Variants in MMP17 observed in about 807,000 individuals in gnomAD.
MMP17 encodes matrix metalloproteinase-17.
MMP17 carries 54 observed loss-of-function variants against 49.1 expected under a neutral mutation model. That is an observed-to-expected ratio of 1.10 (90% CI 0.88 to 1.38). The LOEUF (loss-of-function observed/expected upper bound fraction) is 1.38. Ranked by LOEUF, MMP17 falls within the 40% of genes most tolerant of loss-of-function variation. The pLI is 0.00. For synonymous variants in MMP17, 397 were observed against 383.1 expected (o/e 1.04, Z -0.42); for missense variants, 837 against 853.7 (o/e 0.98, Z 0.24).
At chr12:131,841,183 G>T (rs1887388093) in intron 4 of MMP17, among the ~76,000 whole-genome samples, 2 of 152,226 alleles carry the variant, frequency 1.3e-5, no homozygotes, top group South Asian at 4.1e-4. Context: ...CCCGTTGTCT[G>T]CAGAAGTCTC....
intron 1 of MMP17, among the ~76,000 whole-genome samples, chr12:131,836,100 C>A (rs946229603): frequency 5.3e-5 from 8 of 152,200 alleles, no homozygotes; most frequent in African/African-American, 1.7e-4. Context: ...GTGCCTATAG[C>A]TTTGGAGGGG....
chr12:131,849,356 C>T (rs372496816), intron 8 of MMP17, among the ~76,000 whole-genome samples: 15 of 152,214 alleles, frequency 9.9e-5, no homozygotes, highest in East Asian at 9.7e-4. Flanking sequence ...TGGTGGTGGG[C>T]GCCTGTAATC....
At chr12:131,832,813 C>G (rs574427193) in intron 1 of MMP17, among the ~76,000 whole-genome samples, 1 of 152,180 alleles carries the variant, frequency 6.6e-6, no homozygotes, top group African/African-American at 2.4e-5. Flanking sequence ...TTCTCCACCC[C>G]GCCCCCTGAC....
Position 131,840,607 on chromosome 12 carries a change from C to G in MMP17, c.457C>G (p.His153Asp). The change falls in exon 4 of 10, where the codon CAC (histidine) becomes GAC (aspartate). Residue 153 changes from histidine to aspartate, a missense_variant. Physicochemically the swap from His to Asp is moderately conservative, Grantham distance 81 (BLOSUM62 -1). Coordinates refer to ENST00000360564, the MANE Select transcript of MMP17 (RefSeq NM_016155.7). Reference protein sequence around the residue: ...RTFPRDSPLGHDTVRALMYYA... With the variant: ...RTFPRDSPLGDDTVRALMYYA... ...GTTCCCACGGGACTCACCACTGGGG[C>G]ACGACACGGTGCGTGCACTCATGTA... is the stretch of plus-strand genomic sequence containing the variant. The G allele has an allele frequency of 6.2e-7, 1 of 1,602,478 alleles. No individual in the cohort carries two copies. Among genetic ancestry groups the G allele is most frequent in the African/African-American group, 1.3e-5 (1 of 74,936 alleles).
intron 1 of MMP17, among the ~76,000 whole-genome samples, chr12:131,835,671 G>T (rs1887049623): frequency 6.6e-6 from 1 of 152,230 alleles, no homozygotes; most frequent in South Asian, 2.1e-4. Context: ...GCTGGCCTGG[G>T]TGGGAAAGGC....
At chr12:131,841,071 G>T (rs894985402) in intron 4 of MMP17, among the ~76,000 whole-genome samples, 1 of 152,240 alleles carries the variant, frequency 6.6e-6, no homozygotes, top group Non-Finnish European at 1.5e-5. Context: ...CAGGGACACC[G>T]CTGGCTGAGC....
intron 3 of MMP17, 46 bp from the exon 4 acceptor site, chr12:131,840,527 G>A (rs764218785): frequency 3.0e-5 from 46 of 1,528,348 alleles, no homozygotes; most frequent in South Asian, 8.6e-5. Flanking sequence ...CCTGGGGCAC[G>A]TGGCCTGTTC....
intron 6 of MMP17, 33 bp from the exon 7 acceptor site, chr12:131,845,085 C>T (rs201220814): frequency 1.8e-5 from 28 of 1,593,384 alleles, no homozygotes; most frequent in East Asian, 2.4e-5. Flanking sequence ...GCCCAGGCCC[C>T]GCCTCCCAGC....
intron 1 of MMP17, among the ~76,000 whole-genome samples, chr12:131,832,807 C>T (rs1886892824): frequency 6.6e-6 from 1 of 152,090 alleles, no homozygotes; most frequent in African/African-American, 2.4e-5. Flanking sequence ...ACCTCCTTCT[C>T]CACCCCGCCC....
rs17854024 is a variant in MMP17, at chr12:131,841,697, C to T, written c.780C>T (p.Ala260=). The part of the protein sequence containing the change: ...FGHAIGLSHV[A]AAHSIMRPYY... ...ACGCCATTGGGTTAAGCCATGTGGC[C>T]GCTGCACACTCCATCATGCGGCCGT... Residue 260 remains alanine (A), a synonymous_variant, in exon 5 of 10, where the codon GCC becomes GCT. Coordinates refer to ENST00000360564, the MANE Select transcript of MMP17 (RefSeq NM_016155.7). 3.2e-3 allele frequency: 5,166 copies of T among 1,614,024 alleles called. 14 individuals are homozygous for T. Among genetic ancestry groups the T allele is most frequent in the Non-Finnish European group, 3.9e-3 (4,560 of 1,179,988 alleles).
intron 1 of MMP17, among the ~76,000 whole-genome samples, chr12:131,832,318 CG>C: frequency 2.1e-5 from 1 of 48,160 alleles, no homozygotes; most frequent in African/African-American, 8.7e-5. Flanking sequence ...GGGACGGGAA[CG>C]GGGAAGGCTG....
chr12:131,841,613 T>C lies in MMP17; in HGVS notation c.707-11T>C. On this transcript the variant is annotated splice_polypyrimidine_tract_variant and intron_variant, in intron 4 of 9. Coordinates refer to ENST00000360564, the MANE Select transcript of MMP17 (RefSeq NM_016155.7). ...CTTGCCCTTAGTTCACATGGCTCCC[T>C]GTGTCCCCAGATGCCCACGGGATGG... The C allele has an allele frequency of 6.2e-7, 1 of 1,613,882 alleles. No homozygotes were observed. Among genetic ancestry groups the C allele is most frequent in the Non-Finnish European group, 8.5e-7 (1 of 1,179,956 alleles).
chr12:131,850,442 C>T (rs1887916210), intron 9 of MMP17, among the ~76,000 whole-genome samples: 1 of 152,214 alleles, frequency 6.6e-6, no homozygotes, highest in African/African-American at 2.4e-5. Flanking sequence ...ACCCCTGCCA[C>T]GTCCCACAGT....
In MMP17 at chr12:131,839,696, A is replaced by G. The variant is rs950753180; in HGVS notation, c.423-877A>G. 1.4e-4 allele frequency among the ~76,000 whole-genome samples: 22 copies of G among 152,228 alleles called. No individual in the cohort carries two copies. In the East Asian group the frequency reaches 4.1e-3, roughly 28 times the overall value. On this transcript the variant is annotated intron_variant, in intron 3 of 9. Coordinates refer to ENST00000360564, the MANE Select transcript of MMP17 (RefSeq NM_016155.7). ...GGCATGGTGGCTCACGCCTGTAATCATGGCACTTTGGGAGGCCAAGGCGGG... is the reference window on the plus strand; with the variant it reads ...GGCATGGTGGCTCACGCCTGTAATCGTGGCACTTTGGGAGGCCAAGGCGGG...
At chr12:131,839,683 C>A (rs1317911407) in intron 3 of MMP17, among the ~76,000 whole-genome samples, 2 of 152,164 alleles carry the variant, frequency 1.3e-5, no homozygotes, top group Admixed American at 6.5e-5. Context: ...CATGGTGGCT[C>A]ACGCCTGTAA....
chr12:131,832,549 G>A (rs935954902), intron 1 of MMP17, among the ~76,000 whole-genome samples: 1 of 152,070 alleles, frequency 6.6e-6, no homozygotes, highest in Non-Finnish European at 1.5e-5. Flanking sequence ...ACGCAGGGCA[G>A]GTGTCAGACG....
At chr12:131,844,431 C>T (rs1887586922) in intron 6 of MMP17, 1 of 344,426 alleles carries the variant, frequency 2.9e-6, no homozygotes, top group South Asian at 3.1e-5. Context: ...GGCCTGTGCC[C>T]CCAGCGGGAG....
At chr12:131,839,718 C>T (rs570542544) in intron 3 of MMP17, among the ~76,000 whole-genome samples, 4 of 152,260 alleles carry the variant, frequency 2.6e-5, no homozygotes, top group South Asian at 2.1e-4. Context: ...GAGGCCAAGG[C>T]GGGCGGATCA....
chr12:131,850,159 G>A (rs750521539), intron 9 of MMP17, 100 bp downstream of exon 9: 53 of 1,424,544 alleles, frequency 3.7e-5, no homozygotes, highest in Non-Finnish European at 3.8e-5. Flanking sequence ...AAAGGAGGAC[G>A]GCCCCGGTCG....
Sources: allele counts gnomAD v4.1 joint callset (sites outside exome capture counted in the v4.1 genomes callset), GRCh38; gene constraint gnomAD v4.1.1; transcripts MANE v1.5; gene names NCBI Gene and HGNC (gene_info 2026-07-23, HGNC 2026-07-21).